The following SCHIP1 variants were observed in gnomAD, a reference collection of about 807,000 sequenced individuals.
SCHIP1 encodes the protein schwannomin interacting protein 1, also known as schwannomin-interacting protein 1.
Under a neutral mutation model 29.7 loss-of-function variants are expected in SCHIP1, and 8 were observed. That is an observed-to-expected ratio of 0.27 (90% CI 0.16 to 0.49). The LOEUF (loss-of-function observed/expected upper bound fraction) is 0.49. SCHIP1 is among the 20% of genes least tolerant of loss of function. SCHIP1 has a pLI of 0.99. For synonymous variants in SCHIP1, 76 were observed against 94.9 expected (o/e 0.80, Z 1.16); for missense variants, 193 against 294.6 (o/e 0.66, Z 2.52).
chr3:159,346,201 GAAAAAAGA>G, the SCHIP1 span, among the ~76,000 whole-genome samples: 2 of 99,196 alleles, frequency 2.0e-5, no homozygotes, highest in South Asian at 6.4e-4. Flanking sequence ...AAAAAAAAAA[GAAAAAAGA>G]AAAAAAGAAA....
chr3:159,733,301 A>G, the SCHIP1 span, among the ~76,000 whole-genome samples: 2 of 152,190 alleles, frequency 1.3e-5, no homozygotes, highest in African/African-American at 4.8e-5. Flanking sequence ...ATAGCTAAAG[A>G]TTTCCTAGCA....
the SCHIP1 span, chr3:159,764,732 C>T: frequency 3.2e-6 from 5 of 1,573,148 alleles, no homozygotes; most frequent in Admixed American, 1.8e-5. This position sits in a 1 kb window ranked among gnomAD's most constrained non-coding sequence, Gnocchi z 6.1. Context: ...GACCGCTCTC[C>T]GGCCCGGGAA....
chr3:159,410,966 A>G, the SCHIP1 span, among the ~76,000 whole-genome samples: 3 of 152,240 alleles, frequency 2.0e-5, no homozygotes, highest in South Asian at 6.2e-4. Flanking sequence ...AGATGCTATC[A>G]TTTTCAACAA....
the SCHIP1 span, among the ~76,000 whole-genome samples, chr3:159,468,489 A>G: frequency 2.0e-5 from 3 of 151,986 alleles, no homozygotes; most frequent in Non-Finnish European, 4.4e-5. Flanking sequence ...TAAAGTACTC[A>G]TTAAAACGGT....
At chr3:159,287,896 T>C in the SCHIP1 span, among the ~76,000 whole-genome samples, 1 of 152,212 alleles carries the variant, frequency 6.6e-6, no homozygotes, top group African/African-American at 2.4e-5. Context: ...AATGAAAATA[T>C]TAAATTGTTT....
At chr3:159,686,429 C>T in the SCHIP1 span, among the ~76,000 whole-genome samples, 3,741 of 152,202 alleles carry the variant, frequency 0.025, 115 homozygotes, top group African/African-American at 0.069. Flanking sequence ...TTTTCAAGTG[C>T]TACGAGTAAC....
At chr3:159,562,906 C>T in the SCHIP1 span, among the ~76,000 whole-genome samples, 5 of 152,064 alleles carry the variant, frequency 3.3e-5, no homozygotes, top group Admixed American at 2.0e-4. Context: ...TGGCCAAAAT[C>T]CTTTGCTCTC....
chr3:159,742,978 C>A, the SCHIP1 span, among the ~76,000 whole-genome samples: 1 of 151,876 alleles, frequency 6.6e-6, no homozygotes, highest in African/African-American at 2.4e-5. Context: ...TGAGCCACCA[C>A]GCCGGGCCTT....
the SCHIP1 span, among the ~76,000 whole-genome samples, chr3:159,813,445 T>G: frequency 6.6e-6 from 1 of 152,140 alleles, no homozygotes; most frequent in African/African-American, 2.4e-5. Context: ...AGGAAGGATC[T>G]CTTGAGCCCA....
chr3:159,718,954 G>A, the SCHIP1 span, among the ~76,000 whole-genome samples: 467 of 152,290 alleles, frequency 3.1e-3, 3 homozygotes, highest in Middle Eastern at 0.01. Context: ...AACAAGGCTG[G>A]AGGCATCACG....
the SCHIP1 span, among the ~76,000 whole-genome samples, chr3:159,591,999 A>G: frequency 1.0e-4 from 15 of 149,586 alleles, no homozygotes; most frequent in South Asian, 2.1e-4. Flanking sequence ...CAAAAAAAAA[A>G]AAAGAAAGAA....
At chr3:159,516,402 T>G in the SCHIP1 span, among the ~76,000 whole-genome samples, 1 of 152,212 alleles carries the variant, frequency 6.6e-6, no homozygotes, top group African/African-American at 2.4e-5. Context: ...GACTCCTCGC[T>G]CTGCCTCTCC....
At chr3:159,758,598 A>G in the SCHIP1 span, among the ~76,000 whole-genome samples, 4 of 152,270 alleles carry the variant, frequency 2.6e-5, no homozygotes, top group South Asian at 8.3e-4. Context: ...TAAAAAGAAC[A>G]GCAGGCTGCC....
chr3:159,746,266 C>T, the SCHIP1 span, among the ~76,000 whole-genome samples: 1 of 152,330 alleles, frequency 6.6e-6, no homozygotes, highest in Non-Finnish European at 1.5e-5. Flanking sequence ...TGTCATTTAT[C>T]AGTGGTCCAG....
the SCHIP1 span, chr3:159,274,714 A>C: frequency 1.2e-6 from 1 of 817,832 alleles, no homozygotes; most frequent in East Asian, 1.2e-4. Context: ...AGCTATTCAA[A>C]TTTTTTTCTA....
chr3:159,381,577 A>G, the SCHIP1 span, among the ~76,000 whole-genome samples: 1 of 151,878 alleles, frequency 6.6e-6, no homozygotes, highest in Non-Finnish European at 1.5e-5. Flanking sequence ...GGTCTCAGCC[A>G]TCATCATTTC....
the SCHIP1 span, among the ~76,000 whole-genome samples, chr3:159,531,329 C>T: frequency 5.5e-4 from 84 of 152,180 alleles, no homozygotes; most frequent in Non-Finnish European, 1.2e-3. Flanking sequence ...CTGCTTTCTC[C>T]CTGATAATGT....
the SCHIP1 span, among the ~76,000 whole-genome samples, chr3:159,600,187 T>C: frequency 2.0e-5 from 3 of 152,340 alleles, no homozygotes; most frequent in East Asian, 3.9e-4. Context: ...TAACATACCA[T>C]AGAGAAGACC....
the SCHIP1 span, among the ~76,000 whole-genome samples, chr3:159,337,146 A>G: frequency 2.6e-5 from 4 of 152,080 alleles, no homozygotes; most frequent in South Asian, 2.1e-4. Context: ...AAATTCAACA[A>G]CACTTCATAC....
Sources: gnomAD v4.1 joint callset for allele counts (sites outside exome capture counted in the v4.1 genomes callset) on GRCh38, gnomAD v4.1.1 for gene constraint, Gnocchi (gnomAD v3.1) non-coding constraint, MANE v1.5 for transcripts, NCBI Gene and HGNC (gene_info 2026-07-23, HGNC 2026-07-21) for gene names.